The following RREB1 variants were observed in gnomAD, a reference collection of about 807,000 sequenced individuals.
RREB1 encodes the protein ras-responsive element-binding protein 1.
A neutral mutation model predicts 117.8 loss-of-function variants in RREB1; 27 were observed. That is an observed-to-expected ratio of 0.23 (90% confidence interval 0.17 to 0.32). The LOEUF (loss-of-function observed/expected upper bound fraction) is 0.32, where lower values mean the gene tolerates loss of function less well. Ranked by LOEUF, RREB1 falls within the 10% of genes least tolerant of loss-of-function variation. The pLI is 1.00. For synonymous variants in RREB1, 1,298 were observed against 1,026.7 expected, an observed-to-expected ratio of 1.26 and a Z score of -5.05; for missense variants, 2,577 against 2,378.2, an observed-to-expected ratio of 1.08 and a Z score of -1.74.
At position 7,222,727 on chromosome 6, in the gene RREB1, T is replaced by G. The variant is rs372234315; in HGVS notation, c.708-3740T>G. Among the ~76,000 whole-genome samples the G allele has an allele frequency of 1.6e-4, 25 of 152,102 alleles. No individual in the cohort carries two copies. In the South Asian group the frequency reaches 5.2e-3, roughly 32 times the overall value. ...CTGTAGCCCTAGTTACTAGGGAGGCTGAGACGGGAGGATTGCTTGAGCCCA... is the reference window on the plus strand; with the variant it reads ...CTGTAGCCCTAGTTACTAGGGAGGCGGAGACGGGAGGATTGCTTGAGCCCA... On this transcript the variant is annotated intron_variant, in intron 8 of 12. Coordinates refer to ENST00000379938, the MANE Select transcript of RREB1 (RefSeq NM_001003699.4).
At chr6:7,169,830 G>T (rs574258221) in intron 1 of RREB1, among the ~76,000 whole-genome samples, 2 of 152,244 alleles carry the variant, frequency 1.3e-5, no homozygotes, top group South Asian at 2.1e-4. Context: ...GTTTTATCTG[G>T]CATTGTCCAG....
At chr6:7,112,542 G>C (rs1466603543) in intron 1 of RREB1, among the ~76,000 whole-genome samples, 1 of 152,194 alleles carries the variant, frequency 6.6e-6, no homozygotes, top group Non-Finnish European at 1.5e-5. Flanking sequence ...GCAAGGGTCA[G>C]ACAGTGATTT....
At chr6:7,246,065 C>T (rs375829189) in intron 11 of RREB1, among the ~76,000 whole-genome samples, 1 of 152,196 alleles carries the variant, frequency 6.6e-6, no homozygotes, top group Non-Finnish European at 1.5e-5. Flanking sequence ...ACTTCCCTAG[C>T]GCTGCGAGTC....
At chr6:7,150,723 G>T (rs920475650) in intron 1 of RREB1, among the ~76,000 whole-genome samples, 1 of 152,260 alleles carries the variant, frequency 6.6e-6, no homozygotes, top group African/African-American at 2.4e-5. Context: ...TGTGCTGACT[G>T]TTTCAGGGTG....
rs561699947 is a variant in RREB1 at position 7,196,857 on chromosome 6, T to C, written c.425+7535T>C. ...TTTGAAAATCCTTTGTCCCAAGCCT[T>C]TCTAACCACAGCTCAGTTGCTGAGC... On this transcript the variant is annotated intron_variant, in intron 6 of 12. Transcript: ENST00000379938. 5.3e-5 allele frequency among the ~76,000 whole-genome samples: 8 copies of C among 152,318 alleles called. No homozygotes were observed. The South Asian group carries it at 1.7e-3, about 32-fold the overall frequency.
chr6:7,238,012 T>C (rs1468433337), intron 10 of RREB1, among the ~76,000 whole-genome samples: 4 of 152,186 alleles, frequency 2.6e-5, no homozygotes, highest in African/African-American at 7.2e-5. Context: ...GAGTAAACCA[T>C]GTGACAGGGG....
At chr6:7,211,238 CTT>C (rs1426681819) in intron 7 of RREB1, among the ~76,000 whole-genome samples, 3 of 126,146 alleles carry the variant, frequency 2.4e-5, no homozygotes. Flanking sequence ...ATTCGGGACT[CTT>C]TTGTCCTCAC....
rs1209783924 is a variant in RREB1 at position 7,231,500 on chromosome 6, G to T, written c.3401G>T (p.Ser1134Ile). ...KESSEPPAPA[S>I]SPEAASPTEQ... ...TCTAGTGAGCCTCCCGCTCCAGCCAGCAGCCCAGAGGCTGCCTCTCCCACC... is the reference window on the plus strand; with the variant it reads ...TCTAGTGAGCCTCCCGCTCCAGCCATCAGCCCAGAGGCTGCCTCTCCCACC... Residue 1134 changes from serine (S) to isoleucine (I), a missense_variant, in exon 10 of 13, where the codon AGC (serine) becomes ATC (isoleucine). By Grantham distance (142) the Ser-to-Ile change is moderately radical (BLOSUM62 -2). Transcript: ENST00000379938. The T allele has an allele frequency of 2.5e-6, 4 of 1,610,532 alleles. No homozygotes were observed. Among genetic ancestry groups the T allele is most frequent in the Admixed American group, 3.4e-5 (2 of 59,570 alleles).
chr6:7,161,037 C>T (rs571202956), intron 1 of RREB1, among the ~76,000 whole-genome samples: 1 of 152,198 alleles, frequency 6.6e-6, no homozygotes, highest in South Asian at 2.1e-4. Flanking sequence ...CGCCATGTTG[C>T]CCAGGCTGAT....
At chr6:7,213,000 A>G (rs1766703731) in intron 8 of RREB1, 1 of 152,220 alleles carries the variant, frequency 6.6e-6, no homozygotes, top group South Asian at 2.1e-4. Context: ...TTGCCTGATC[A>G]TTGGGTTGGG....
intron 10 of RREB1, among the ~76,000 whole-genome samples, chr6:7,237,443 G>T (rs1286464779): frequency 6.6e-6 from 1 of 151,428 alleles, no homozygotes; most frequent in Non-Finnish European, 1.5e-5. Context: ...GCCCAAGTTG[G>T]TCTTAAACTC....
Position 7,189,204 on chromosome 6 carries a change from G to A in RREB1, c.307G>A (p.Gly103Arg), listed in dbSNP as rs201588284. ...GGADHSCSIC[G>R]KSLSSASSLD... ...AGCCGACCACTCATGCAGCATCTGC[G>A]GAAAGTCACTGAGCTCGGCCAGCTC... The change falls in exon 6 of 13, where the codon GGA (glycine) becomes AGA (arginine). Residue 103 changes from glycine (G) to arginine (R), a missense_variant. Transcript: ENST00000379938. 9.4e-5 allele frequency: 151 copies of A among 1,613,738 alleles called. No homozygotes were observed. The East Asian group carries it at 1.5e-3, about 16-fold the overall frequency.
At chr6:7,136,416 C>T (rs980396767) in intron 1 of RREB1, among the ~76,000 whole-genome samples, 1 of 152,114 alleles carries the variant, frequency 6.6e-6, no homozygotes, top group Non-Finnish European at 1.5e-5. Context: ...TAATAGTAAA[C>T]AGGATTTTGT....
intron 1 of RREB1, among the ~76,000 whole-genome samples, chr6:7,146,196 G>A (rs1003060607): frequency 3.9e-5 from 6 of 152,236 alleles, no homozygotes; most frequent in Admixed American, 3.9e-4. Flanking sequence ...AGCCTGTTGT[G>A]TGAGAAGCAG....
chr6:7,162,907 G>A (rs1296432815), intron 1 of RREB1, among the ~76,000 whole-genome samples: 1 of 151,852 alleles, frequency 6.6e-6, no homozygotes, highest in African/African-American at 2.4e-5. Flanking sequence ...AGAGTGCAGT[G>A]TCACGGTCAG....
intron 10 of RREB1, among the ~76,000 whole-genome samples, chr6:7,234,283 A>C (rs1422361682): frequency 2.0e-5 from 3 of 151,866 alleles, no homozygotes; most frequent in Non-Finnish European, 4.4e-5. Flanking sequence ...GTTTATGGAG[A>C]AGTGAGTCTT....
intron 1 of RREB1, among the ~76,000 whole-genome samples, chr6:7,169,279 A>G (rs1279166095): frequency 6.6e-6 from 1 of 152,228 alleles, no homozygotes; most frequent in Non-Finnish European, 1.5e-5. Context: ...GCCTTGGCCC[A>G]GGAAACCCTG....
intron 1 of RREB1, among the ~76,000 whole-genome samples, chr6:7,109,241 G>T (rs943435841): frequency 6.6e-6 from 1 of 151,762 alleles, no homozygotes. Context: ...GGGGGAGGGG[G>T]CCTGTTGCTG....
chr6:7,215,664 AAAAG>A (rs1184828882), intron 8 of RREB1: 2 of 152,228 alleles, frequency 1.3e-5, no homozygotes, highest in South Asian at 2.1e-4. Context: ...TTAAAAAGTA[AAAAG>A]AAAGAGACAA....
Sources: gnomAD v4.1 joint callset for allele counts (sites outside exome capture counted in the v4.1 genomes callset) on GRCh38, gnomAD v4.1.1 for gene constraint, MANE v1.5 for transcripts, NCBI Gene and HGNC (gene_info 2026-07-23, HGNC 2026-07-21) for gene names.